Variants in WDR47 observed in about 807,000 individuals in gnomAD.
WDR47 encodes WD repeat domain 47.
Under a neutral mutation model 97.2 loss-of-function variants are expected in WDR47, and 32 were observed. That is an observed-to-expected ratio of 0.33 (90% CI 0.25 to 0.44). The LOEUF is 0.44. Among genes scored for constraint, WDR47 ranks in the 20% least tolerant of loss-of-function variants. The pLI is 1.00. For synonymous variants in WDR47, 375 were observed against 373.5 expected, an observed-to-expected ratio of 1.00 and a Z score of -0.05; for missense variants, 782 against 1,102.3, an observed-to-expected ratio of 0.71 and a Z score of 4.11.
chr1:109,039,796 G>T (rs1046279377), intron 1 of WDR47, among the ~76,000 whole-genome samples: 3 of 151,832 alleles, frequency 2.0e-5, no homozygotes, highest in African/African-American at 7.3e-5. Flanking sequence ...CCAACATTGC[G>T]AGCCCAAGGC....
At chr1:109,016,789 T>TA (rs71593460) in intron 3 of WDR47, among the ~76,000 whole-genome samples, 10,654 of 142,928 alleles carry the variant, frequency 0.075, 471 homozygotes, top group Middle Eastern at 0.13. Context: ...TAGATATAGT[T>TA]AAAAAAAAAA....
chr1:108,983,341 C>G lies in WDR47; in HGVS notation c.2036G>C (p.Gly679Ala). 1 of 1,612,674 alleles carries G rather than the reference C, an allele frequency of 6.2e-7. No individual in the cohort carries two copies. Among genetic ancestry groups the G allele is most frequent in the Non-Finnish European group, 8.5e-7 (1 of 1,179,306 alleles). Residue 679 changes from glycine to alanine, a missense_variant, in exon 11 of 15, where the codon GGA (glycine) becomes GCA (alanine). Around this residue, in one of 3 missense-constraint regions of WDR47, gnomAD observed 228 missense variants for 396.7 expected, o/e 0.57. Coordinates refer to ENST00000369962, the MANE Select transcript of WDR47 (RefSeq NM_001142551.2). ...WSPCGQLLAT[G>A]SNDKYVKVLP... ...CACTTTGACGTATTTGTCATTTGAT[C>G]CTGTTGCTAATAACTGCCCACAAGG...
At chr1:109,018,317 C>T (rs546818717) in intron 2 of WDR47, among the ~76,000 whole-genome samples, 18 of 151,276 alleles carry the variant, frequency 1.2e-4, no homozygotes, top group Non-Finnish European at 2.1e-4. Context: ...GCCGTGGTGG[C>T]GGGCGCCCGT....
chr1:108,976,984 C>T lies in WDR47; in HGVS notation c.2399-2230G>A, dbSNP rs894448556. 3.3e-5 allele frequency among the ~76,000 whole-genome samples: 5 copies of T among 152,176 alleles called. No homozygotes were observed. The East Asian group carries it at 9.7e-4, about 29-fold the overall frequency. ...TCACTGAAGGTGTGAGGTGACCAGG[C>T]TTATTTTTTCAAAAGCATACTTTGA... is the stretch of plus-strand genomic sequence containing the variant. On this transcript the variant is annotated intron_variant, in intron 13 of 14. Transcript: ENST00000369962.
chr1:108,970,483 A>C lies in WDR47; in HGVS notation c.*947T>G, dbSNP rs1034611238. On this transcript the variant is annotated 3_prime_UTR_variant, in exon 15 of 15. Coordinates refer to ENST00000369962, the MANE Select transcript of WDR47 (RefSeq NM_001142551.2). ...AAAATCATTATTCTGCATTACACAAAACAGTGCAAGAAAAAAATCCAAATA... is the reference window on the plus strand; with the variant it reads ...AAAATCATTATTCTGCATTACACAACACAGTGCAAGAAAAAAATCCAAATA... 7.2e-5 allele frequency: 11 copies of C among 152,686 alleles called. No individual in the cohort carries two copies. Among genetic ancestry groups the C allele is most frequent in the African/African-American group, 1.2e-4 (5 of 41,468 alleles). The allele number at this position is 152,686 out of a possible 1,614,324, so 9.5% of individuals were successfully genotyped here.
At chr1:109,006,451 G>A (rs1266602729) in intron 5 of WDR47, among the ~76,000 whole-genome samples, 2 of 152,080 alleles carry the variant, frequency 1.3e-5, no homozygotes, top group Non-Finnish European at 2.9e-5. Flanking sequence ...ATTACTAATG[G>A]CCACAGGAAG....
chr1:108,972,141 C>G (rs1657498546), intron 14 of WDR47, among the ~76,000 whole-genome samples: 1 of 152,088 alleles, frequency 6.6e-6, no homozygotes, highest in Non-Finnish European at 1.5e-5. Flanking sequence ...CTGTTCCTCC[C>G]CTTACCTGCC....
intron 1 of WDR47, among the ~76,000 whole-genome samples, chr1:109,037,669 T>C (rs1269921366): frequency 6.6e-6 from 1 of 151,778 alleles, no homozygotes; most frequent in Non-Finnish European, 1.5e-5. Context: ...TATAAAATTT[T>C]CTCAAAAGAT....
At chr1:108,997,631 G>A (rs183252520) in intron 7 of WDR47, among the ~76,000 whole-genome samples, 83 of 151,168 alleles carry the variant, frequency 5.5e-4, no homozygotes, top group African/African-American at 1.9e-3. Context: ...GTGGTGGTGG[G>A]CGCCTGTAGT....
At chr1:109,000,809 T>C (rs1010604252) in intron 7 of WDR47, among the ~76,000 whole-genome samples, 5 of 152,154 alleles carry the variant, frequency 3.3e-5, no homozygotes, top group African/African-American at 7.2e-5. Flanking sequence ...TTACTTCCAA[T>C]ATTGTTGAAT....
At chr1:108,973,112 A>G (rs1657606159) in intron 14 of WDR47, among the ~76,000 whole-genome samples, 1 of 151,976 alleles carries the variant, frequency 6.6e-6, no homozygotes, top group Admixed American at 6.5e-5. Context: ...CTCTTCTCCT[A>G]ATATCCTGGC....
At chr1:108,978,352 G>A (rs895462306) in intron 13 of WDR47, among the ~76,000 whole-genome samples, 30 of 151,968 alleles carry the variant, frequency 2.0e-4, no homozygotes, top group African/African-American at 6.8e-4. Context: ...GGTAGCAGGC[G>A]CCTGTAGTCC....
intron 13 of WDR47, 152 bp downstream of exon 13, chr1:108,981,581 G>A (rs113854203): frequency 2.0e-5 from 14 of 716,684 alleles, no homozygotes; most frequent in African/African-American, 1.5e-4. Context: ...GGTAACAAAT[G>A]CAAGTATTGT....
At chr1:109,030,205 T>C in intron 1 of WDR47, 7 of 1,545,264 alleles carry the variant, frequency 4.5e-6, no homozygotes, top group Non-Finnish European at 6.1e-6. Flanking sequence ...CCACGGTCTT[T>C]AGCCATGCAC....
At chr1:109,004,485 AT>A in intron 6 of WDR47, 106 bp downstream of exon 6, 1 of 1,310,574 alleles carries the variant, frequency 7.6e-7, no homozygotes, top group Non-Finnish European at 1.0e-6. Flanking sequence ...TATGTATATT[AT>A]TTCCTACTCC....
intron 3 of WDR47, among the ~76,000 whole-genome samples, chr1:109,016,609 T>A (rs1167514423): frequency 6.6e-6 from 1 of 151,986 alleles, no homozygotes; most frequent in Non-Finnish European, 1.5e-5. Context: ...GAGCAGAGAT[T>A]TCGGGACAAA....
intron 1 of WDR47, chr1:109,030,411 A>C: frequency 2.6e-6 from 1 of 389,782 alleles, no homozygotes; most frequent in Non-Finnish European, 4.4e-6. Flanking sequence ...TAAAAATTAA[A>C]TGTTCATCTG....
intron 7 of WDR47, among the ~76,000 whole-genome samples, chr1:108,999,611 CTGCAGTGAGCCATGACCACACTACTG>C (rs1660025505): frequency 6.6e-6 from 1 of 151,054 alleles, no homozygotes; most frequent in Non-Finnish European, 1.5e-5. Flanking sequence ...AAGGTCGAGG[CTGCAGTGAGCCATGACCACACTACTG>C]CACTCCAGAC....
intron 1 of WDR47, among the ~76,000 whole-genome samples, chr1:109,038,831 G>T (rs1158477356): frequency 6.6e-6 from 1 of 151,922 alleles, no homozygotes; most frequent in Non-Finnish European, 1.5e-5. Flanking sequence ...ACAAAAATTA[G>T]TCAAGTGTGG....
Sources: allele counts gnomAD v4.1 joint callset (sites outside exome capture counted in the v4.1 genomes callset), GRCh38; gene constraint gnomAD v4.1.1; regional missense constraint gnomAD v4.1.1; transcripts MANE v1.5; gene names NCBI Gene and HGNC (gene_info 2026-07-23, HGNC 2026-07-21).